Variants in APCDD1L observed in about 807,000 individuals in gnomAD.
The protein encoded by APCDD1L is protein APCDD1-like.
In APCDD1L, 21 loss-of-function variants were observed where a neutral mutation model predicts 24.2. The ratio of observed to expected loss-of-function variants is 0.87; its 90% CI spans 0.61 to 1.25. The LOEUF (loss-of-function observed/expected upper bound fraction) is 1.25. APCDD1L is among the 50% of genes most tolerant of loss of function. The probability of loss-of-function intolerance (pLI) is 0.00; values close to 1 mark genes in which losing one functional copy is unlikely to be tolerated. For missense variants in APCDD1L, 704 were observed against 711.7 expected, an observed-to-expected ratio of 0.99 and a Z score of 0.12; for synonymous variants, 321 against 323.6, an observed-to-expected ratio of 0.99 and a Z score of 0.09.
chr20:58,470,485 G>C, intron 2 of APCDD1L, 124 bp downstream of exon 2: 4 of 1,321,034 alleles, frequency 3.0e-6, no homozygotes, highest in Non-Finnish European at 4.0e-6. Context: ...CCAGCAGCTT[G>C]GCAGGTAGAA....
chr20:58,488,072 A>G (rs1194604686), intron 1 of APCDD1L, among the ~76,000 whole-genome samples: 3 of 152,204 alleles, frequency 2.0e-5, no homozygotes, highest in African/African-American at 7.2e-5. Flanking sequence ...CCTGCAGTCA[A>G]CCATGATCTG....
At chr20:58,466,490 G>T (rs533942262) in intron 3 of APCDD1L, among the ~76,000 whole-genome samples, 1 of 152,258 alleles carries the variant, frequency 6.6e-6, no homozygotes, top group Admixed American at 6.5e-5. Flanking sequence ...TTTCGAGGGG[G>T]TGGCATCTGG....
chr20:58,487,152 G>A (rs549403691), intron 1 of APCDD1L, among the ~76,000 whole-genome samples: 1 of 152,150 alleles, frequency 6.6e-6, no homozygotes, highest in Non-Finnish European at 1.5e-5. Flanking sequence ...GAAATAAAAT[G>A]ATACCCTCTA....
intron 1 of APCDD1L, among the ~76,000 whole-genome samples, chr20:58,477,304 A>C (rs1003960392): frequency 6.6e-6 from 1 of 152,196 alleles, no homozygotes; most frequent in Admixed American, 6.5e-5. Flanking sequence ...TTGAGCTGTC[A>C]TGTCTCCTTC....
intron 3 of APCDD1L, among the ~76,000 whole-genome samples, chr20:58,466,318 G>A (rs1785432953): frequency 6.6e-6 from 1 of 152,216 alleles, no homozygotes; most frequent in South Asian, 2.1e-4. Context: ...CGGACAGCTT[G>A]CTGGAAATGC....
intron 1 of APCDD1L, among the ~76,000 whole-genome samples, chr20:58,479,415 A>G (rs1158796174): frequency 6.6e-6 from 1 of 152,164 alleles, no homozygotes; most frequent in Non-Finnish European, 1.5e-5. Context: ...AGGATGGAGC[A>G]TGCATGTCAC....
chr20:58,502,628 C>T lies in APCDD1L; in HGVS notation c.49+12031G>A, dbSNP rs1292674980. 2.6e-5 allele frequency among the ~76,000 whole-genome samples: 4 copies of T among 151,544 alleles called. 1 individual carries two copies. On this transcript the variant is annotated intron_variant, in intron 1 of 3. Transcript: ENST00000371149. ...CTGAGTTGAAGTTATAGGACGTTAT[C>T]TACAAACATAGTAAAGACATGCTTA...
At chr20:58,465,951 T>C (rs1989696580) in intron 3 of APCDD1L, among the ~76,000 whole-genome samples, 1 of 152,192 alleles carries the variant, frequency 6.6e-6, no homozygotes, top group South Asian at 2.1e-4. Flanking sequence ...CTTATGCTTT[T>C]TTTAAAAACA....
intron 3 of APCDD1L, among the ~76,000 whole-genome samples, chr20:58,463,405 A>G (rs1051302926): frequency 1.3e-5 from 2 of 152,202 alleles, no homozygotes; most frequent in African/African-American, 2.4e-5. Flanking sequence ...AGCTGGGTTT[A>G]CCGTAAAACA....
At position 58,463,543 on chromosome 20, in the gene APCDD1L, C is replaced by T. The variant is rs144980683; in HGVS notation, c.742-1989G>A. On this transcript the variant is annotated intron_variant, in intron 3 of 3. Transcript: ENST00000371149. ...TTCTTTCTTCTTTCTCCTTCTTCTC[C>T]TTCTCCTATTTTATTTCTAAAAAAG... 8.8e-3 allele frequency among the ~76,000 whole-genome samples: 1,341 copies of T among 152,266 alleles called. 17 individuals carry two copies. Among genetic ancestry groups the T allele is most frequent in the African/African-American group, 0.031 (1,269 of 41,544 alleles).
At chr20:58,478,302 G>C (rs751917225) in intron 1 of APCDD1L, among the ~76,000 whole-genome samples, 2 of 152,104 alleles carry the variant, frequency 1.3e-5, no homozygotes, top group African/African-American at 2.4e-5. Flanking sequence ...CAAGATCTGG[G>C]TGCTAGGTGT....
At chr20:58,466,444 C>T (rs1356800481) in intron 3 of APCDD1L, among the ~76,000 whole-genome samples, 7 of 152,248 alleles carry the variant, frequency 4.6e-5, no homozygotes. Flanking sequence ...GCCCCAGTGG[C>T]TGTGCGGCTA....
chr20:58,471,546 G>A (rs1989812666), intron 1 of APCDD1L, among the ~76,000 whole-genome samples: 2 of 152,248 alleles, frequency 1.3e-5, no homozygotes, highest in South Asian at 4.1e-4. Context: ...AGGTCCTCTA[G>A]AGTGACCCCT....
chr20:58,504,913 C>G (rs1278038838), intron 1 of APCDD1L, among the ~76,000 whole-genome samples: 1 of 152,220 alleles, frequency 6.6e-6, no homozygotes, highest in South Asian at 2.1e-4. Flanking sequence ...CTTCTCCAAC[C>G]TCAACCTCTG....
chr20:58,493,838 C>G (rs771217174), intron 1 of APCDD1L, among the ~76,000 whole-genome samples: 1 of 152,174 alleles, frequency 6.6e-6, no homozygotes, highest in African/African-American at 2.4e-5. Flanking sequence ...TTTAACAACA[C>G]GACACCAGAG....
chr20:58,463,894 T>TTTTTG (rs1491147308), intron 3 of APCDD1L, among the ~76,000 whole-genome samples: 1 of 52,392 alleles, frequency 1.9e-5, no homozygotes, highest in Non-Finnish European at 4.1e-5. Flanking sequence ...AGTTTTTTTT[T>TTTTTG]GGGGGGGGGG....
intron 3 of APCDD1L, among the ~76,000 whole-genome samples, chr20:58,463,453 G>A (rs900287736): frequency 6.6e-6 from 1 of 152,214 alleles, no homozygotes; most frequent in African/African-American, 2.4e-5. Context: ...AATTGTGTGG[G>A]AGTAGTCTGC....
intron 1 of APCDD1L, among the ~76,000 whole-genome samples, chr20:58,502,353 G>T (rs551090601): frequency 6.6e-6 from 1 of 152,098 alleles, no homozygotes; most frequent in African/African-American, 2.4e-5. Context: ...CACCCGCCTC[G>T]GCCTCCCAAA....
rs4811999 is a variant in APCDD1L, at chr20:58,466,374, C to G, written c.741+732G>C. On this transcript the variant is annotated intron_variant, in intron 3 of 3. Coordinates refer to ENST00000371149, the MANE Select transcript of APCDD1L (RefSeq NM_153360.3). The stretch of plus-strand genomic sequence containing the variant: ...GACCTGAAGGATCCCTTTCGGCCCT[C>G]TCACAAGAAGCCCAGGCCACGTGGC... Among the ~76,000 whole-genome samples, 3,345 of 152,318 alleles carry G rather than the reference C, an allele frequency of 0.022. 288 individuals carry two copies. The East Asian group carries it at 0.26, about 12-fold the overall frequency.
Sources: gnomAD v4.1 joint callset for allele counts (sites outside exome capture counted in the v4.1 genomes callset) on GRCh38, gnomAD v4.1.1 for gene constraint, MANE v1.5 for transcripts, NCBI Gene and HGNC (gene_info 2026-07-23, HGNC 2026-07-21) for gene names.